Variants in SETD2 observed in about 807,000 individuals in gnomAD.
SETD2 encodes the protein SET domain containing 2, histone lysine methyltransferase.
SETD2 carries 31 observed loss-of-function variants against 242.1 expected under a neutral mutation model. The ratio of observed to expected loss-of-function variants is 0.13; its 90% CI spans 0.10 to 0.17. The LOEUF is 0.17. Among genes scored for constraint, SETD2 ranks in the 10% least tolerant of loss-of-function variants. The probability of loss-of-function intolerance (pLI) is 1.00; values close to 1 mark genes in which losing one functional copy is unlikely to be tolerated. For synonymous variants in SETD2, 1,006 were observed against 1,066.5 expected (o/e 0.94, Z 1.11); for missense variants, 2,481 against 3,046.3 (o/e 0.81, Z 4.37).
chr3:47,082,716 A>G (rs533652518), intron 12 of SETD2, among the ~76,000 whole-genome samples: 1 of 152,198 alleles, frequency 6.6e-6, no homozygotes, highest in Non-Finnish European at 1.5e-5. Flanking sequence ...AACATACTTA[A>G]AGAAGGGTCT....
At chr3:47,104,539 CA>C (rs765465601) in intron 6 of SETD2, among the ~76,000 whole-genome samples, 120 of 139,174 alleles carry the variant, frequency 8.6e-4, no homozygotes, top group African/African-American at 1.2e-3. Flanking sequence ...GACCCTGACT[CA>C]AAAAAAAAAA....
At chr3:47,043,547 A>C (rs2039378235) in intron 16 of SETD2, among the ~76,000 whole-genome samples, 2 of 152,212 alleles carry the variant, frequency 1.3e-5, no homozygotes, top group Admixed American at 6.5e-5. Context: ...GCCCTAGCAG[A>C]CTAGTAATCA....
intron 13 of SETD2, 25 bp from the exon 14 acceptor site, chr3:47,062,371 G>GTTTTT: frequency 7.3e-7 from 1 of 1,366,288 alleles, no homozygotes; most frequent in Non-Finnish European, 9.9e-7. Context: ...TGGTTTGTTT[G>GTTTTT]TTTTTTTTTT....
At chr3:47,142,368 G>T (rs2043749931) in intron 1 of SETD2, among the ~76,000 whole-genome samples, 1 of 152,046 alleles carries the variant, frequency 6.6e-6, no homozygotes, top group Non-Finnish European at 1.5e-5. Flanking sequence ...AATTAGCCAG[G>T]TGTGATGGTG....
intron 5 of SETD2, among the ~76,000 whole-genome samples, chr3:47,109,632 A>G (rs938056704): frequency 2.0e-5 from 3 of 152,248 alleles, no homozygotes; most frequent in East Asian, 1.9e-4. Context: ...TGGGCAACAC[A>G]GTGAGACCCT....
chr3:47,084,125 A>C lies in SETD2; in HGVS notation c.5655T>G (p.Ser1885Arg). The C allele has an allele frequency of 1.2e-6, 2 of 1,613,960 alleles. No individual in the cohort carries two copies. The highest frequency in any genetic ancestry group is 1.7e-6 in the Non-Finnish European group (2 of 1,179,984). ...AGATTGCACTGTCCATGCTATTTTC[A>C]CTTATAATTTTCAGTCTGCGAAACA... Reference protein sequence around the residue: ...KLMFRRLKIISENSMDSAISD... With the variant: ...KLMFRRLKIIRENSMDSAISD... The change falls in exon 12 of 21, where the codon AGT (serine) becomes AGG (arginine). Residue 1885 changes from serine (S) to arginine (R), a missense_variant. Ser to Arg is a moderately radical substitution (Grantham distance 110, BLOSUM62 -1). This residue lies in a region of SETD2 where 203 missense variants were observed against 222.4 expected (regional missense o/e 0.91). Transcript: ENST00000409792.
chr3:47,105,261 TTAGCTGGGCA>T (rs2042363896), intron 6 of SETD2, among the ~76,000 whole-genome samples: 1 of 151,658 alleles, frequency 6.6e-6, no homozygotes, highest in African/African-American at 2.4e-5. Context: ...AATACAAAAA[TTAGCTGGGCA>T]TGATGGTGTG....
At chr3:47,030,693 T>C (rs1198991595) in intron 18 of SETD2, among the ~76,000 whole-genome samples, 1 of 152,172 alleles carries the variant, frequency 6.6e-6, no homozygotes, top group Non-Finnish European at 1.5e-5. Flanking sequence ...ATATTTTTAT[T>C]AGAAACTATT....
rs531710956 is a variant in SETD2, at chr3:47,143,291, C to A, written c.72-16628G>T. Among the ~76,000 whole-genome samples the A allele has an allele frequency of 2.0e-5, 3 of 152,118 alleles. No individual in the cohort carries two copies. The East Asian group carries it at 5.8e-4, about 29-fold the overall frequency. Reference sequence around the variant, plus strand: ...CGTGAGCAACAGAGCAAGACCCCGTCTCAAAAAACAAAACAAAAAAACTTT... The same window carrying A: ...CGTGAGCAACAGAGCAAGACCCCGTATCAAAAAACAAAACAAAAAAACTTT... On this transcript the variant is annotated intron_variant, in intron 1 of 20. Coordinates refer to ENST00000409792, the MANE Select transcript of SETD2 (RefSeq NM_014159.7).
chr3:47,162,858 T>C (rs1459595720), intron 1 of SETD2, among the ~76,000 whole-genome samples: 4 of 152,184 alleles, frequency 2.6e-5, no homozygotes, highest in Non-Finnish European at 5.9e-5. Flanking sequence ...GACTCCAGGC[T>C]TTCTGAGATA....
chr3:47,162,175 A>T (rs1446773726), intron 1 of SETD2, among the ~76,000 whole-genome samples: 1 of 152,168 alleles, frequency 6.6e-6, no homozygotes, highest in Non-Finnish European at 1.5e-5. Flanking sequence ...ACTTCACCAA[A>T]CAACCTGGTA....
At chr3:47,037,798 C>A (rs920699974) in intron 17 of SETD2, 21 bp from the exon 18 acceptor site, 2 of 1,565,044 alleles carry the variant, frequency 1.3e-6, no homozygotes, top group African/African-American at 2.7e-5. Flanking sequence ...ACAAAAACAG[C>A]CATGCTGTCA....
chr3:47,137,017 C>T (rs529968519), intron 1 of SETD2, among the ~76,000 whole-genome samples: 7 of 152,078 alleles, frequency 4.6e-5, no homozygotes, highest in Non-Finnish European at 8.8e-5. Flanking sequence ...ACACTAGAAG[C>T]CCAATCCCCA....
chr3:47,107,583 G>A (rs1445585065), intron 5 of SETD2, among the ~76,000 whole-genome samples: 1 of 152,064 alleles, frequency 6.6e-6, no homozygotes, highest in Non-Finnish European at 1.5e-5. Context: ...TATTTGAAAT[G>A]TCCTTTCTAA....
intron 11 of SETD2, 25 bp from the exon 12 acceptor site, chr3:47,084,407 C>T (rs764370168): frequency 1.3e-6 from 2 of 1,488,714 alleles, no homozygotes; most frequent in Non-Finnish European, 1.8e-6. Flanking sequence ...AAAAAAATTA[C>T]ATCACTTTGT....
chr3:47,096,409 T>TAA (rs1005876225), intron 9 of SETD2, among the ~76,000 whole-genome samples: 1 of 152,066 alleles, frequency 6.6e-6, no homozygotes, highest in Non-Finnish European at 1.5e-5. Context: ...ATATGCTATC[T>TAA]AAAAAGAGGG....
intron 5 of SETD2, among the ~76,000 whole-genome samples, chr3:47,113,574 C>A (rs957714579): frequency 1.3e-5 from 2 of 152,140 alleles, no homozygotes; most frequent in Non-Finnish European, 2.9e-5. Flanking sequence ...ACGGCTCACA[C>A]CTGTAATCCC....
At chr3:47,158,539 ATT>A (rs552726070) in intron 1 of SETD2, among the ~76,000 whole-genome samples, 69 of 152,202 alleles carry the variant, frequency 4.5e-4, no homozygotes, top group Non-Finnish European at 6.9e-4. Context: ...TGAATAATAT[ATT>A]TTCACTTCCT....
chr3:47,150,920 T>TA (rs71098458), intron 1 of SETD2, among the ~76,000 whole-genome samples: 1,983 of 138,522 alleles, frequency 0.014, 20 homozygotes, highest in Non-Finnish European at 0.02. Context: ...ACCCTATCTT[T>TA]AAAAAAAAAA....
Sources: allele counts gnomAD v4.1 joint callset (sites outside exome capture counted in the v4.1 genomes callset), GRCh38; gene constraint gnomAD v4.1.1; regional missense constraint gnomAD v4.1.1; transcripts MANE v1.5; gene names NCBI Gene and HGNC (gene_info 2026-07-23, HGNC 2026-07-21).